Variants in LIMD1 observed in about 807,000 individuals in gnomAD.
LIMD1 encodes LIM domain-containing protein 1.
LIMD1 carries 23 observed loss-of-function variants against 58.4 expected under a neutral mutation model. The observed-to-expected ratio is 0.39, with a 90% CI of 0.28 to 0.56. The LOEUF (loss-of-function observed/expected upper bound fraction) is 0.56. Ranked by LOEUF, LIMD1 falls within the 20% of genes least tolerant of loss-of-function variation. The probability of loss-of-function intolerance (pLI) is 0.57; values close to 1 mark genes in which losing one functional copy is unlikely to be tolerated. For missense variants in LIMD1, 838 were observed against 855.5 expected, an observed-to-expected ratio of 0.98 and a Z score of 0.25; for synonymous variants, 334 against 345.5, an observed-to-expected ratio of 0.97 and a Z score of 0.37.
intron 1 of LIMD1, among the ~76,000 whole-genome samples, chr3:45,598,787 C>T (rs1390897811): frequency 6.6e-6 from 1 of 152,156 alleles, no homozygotes; most frequent in East Asian, 1.9e-4. Flanking sequence ...AGGCAGGAGA[C>T]TGGACCATGT....
chr3:45,650,647 T>G (rs1330861905), intron 2 of LIMD1, among the ~76,000 whole-genome samples: 1 of 152,046 alleles, frequency 6.6e-6, no homozygotes, highest in Non-Finnish European at 1.5e-5. Context: ...TTCATCCATG[T>G]CCCCAAAAAG....
chr3:45,665,027 C>T (rs1382915502), intron 2 of LIMD1, among the ~76,000 whole-genome samples: 1 of 152,004 alleles, frequency 6.6e-6, no homozygotes, highest in Non-Finnish European at 1.5e-5. Flanking sequence ...AGGATGTTTA[C>T]CTGTGTTAGC....
intron 1 of LIMD1, among the ~76,000 whole-genome samples, chr3:45,619,555 T>G (rs552463327): frequency 9.2e-5 from 14 of 152,288 alleles, no homozygotes; most frequent in Non-Finnish European, 1.8e-4. Context: ...TCCCAGCACT[T>G]TGGGAGGCCA....
intron 1 of LIMD1, among the ~76,000 whole-genome samples, chr3:45,620,887 T>G (rs1701623147): frequency 6.6e-6 from 1 of 152,136 alleles, no homozygotes; most frequent in South Asian, 2.1e-4. Flanking sequence ...CTTAACTAAG[T>G]GATCAAGTTA....
chr3:45,653,018 G>A (rs1300060843), intron 2 of LIMD1, among the ~76,000 whole-genome samples: 2 of 152,252 alleles, frequency 1.3e-5, no homozygotes, highest in Non-Finnish European at 2.9e-5. Flanking sequence ...AGATGAGAAC[G>A]TTTAGAGACC....
chr3:45,661,480 A>G (rs1347070319), intron 2 of LIMD1, among the ~76,000 whole-genome samples: 1 of 152,222 alleles, frequency 6.6e-6, no homozygotes, highest in Non-Finnish European at 1.5e-5. Flanking sequence ...TAGGAATTGG[A>G]CATTTGATGC....
intron 2 of LIMD1, among the ~76,000 whole-genome samples, chr3:45,649,848 G>GTTTTTTTTTTTTTTTTTTATTTTTTTTTT (rs367547670): frequency 1.0e-5 from 1 of 97,340 alleles, no homozygotes; most frequent in East Asian, 2.7e-4. Context: ...AAGTTTTTTT[G>GTTTTTTTTTTTTTTTTTTATTTTTTTTTT]TTTTTTTTTT....
chr3:45,673,580 C>T lies in LIMD1; in HGVS notation c.1824+75C>T, dbSNP rs1248332878. On this transcript the variant is annotated intron_variant, in intron 6 of 7. Coordinates refer to ENST00000273317, the MANE Select transcript of LIMD1 (RefSeq NM_014240.3). ...TCTCCCTGGGCTCATTTACAAGATC[C>T]ATGTCCTGTCCTTACAGCTTTTAAG... 7.6e-6 allele frequency: 9 copies of T among 1,189,068 alleles called. No homozygotes were observed. The Admixed American group carries it at 1.3e-4, about 18-fold the overall frequency. The allele number at this position is 1,189,068 out of a possible 1,614,324, so 73.7% of individuals were successfully genotyped here.
Position 45,612,234 on chromosome 3 carries a change from A to G in LIMD1, c.1408+15947A>G, listed in dbSNP as rs1441380696. The stretch of plus-strand genomic sequence containing the variant: ...CGAATAACTGGAAACACAGGTATGC[A>G]CAACCATGCCTGGCTAATTTGTTAA... On this transcript the variant is annotated intron_variant, in intron 1 of 7. Coordinates refer to ENST00000273317, the MANE Select transcript of LIMD1 (RefSeq NM_014240.3). 4.6e-5 allele frequency among the ~76,000 whole-genome samples: 7 copies of G among 152,100 alleles called. No homozygotes were observed. In the East Asian group the frequency reaches 5.8e-4, roughly 13 times the overall value.
At chr3:45,633,526 G>A (rs949628379) in intron 1 of LIMD1, among the ~76,000 whole-genome samples, 4 of 152,224 alleles carry the variant, frequency 2.6e-5, no homozygotes, top group African/African-American at 9.6e-5. Context: ...GGGATGGATT[G>A]TTGGATTGAT....
chr3:45,630,746 C>T (rs1701720477), intron 1 of LIMD1, among the ~76,000 whole-genome samples: 1 of 152,110 alleles, frequency 6.6e-6, no homozygotes, highest in Admixed American at 6.5e-5. Flanking sequence ...GCAGGAATAG[C>T]CACAGCTGCC....
In LIMD1 at chr3:45,663,082, C is replaced by T. The variant is rs1697465517; in HGVS notation, c.1511-2568C>T. On this transcript the variant is annotated intron_variant, in intron 2 of 7. Coordinates refer to ENST00000273317, the MANE Select transcript of LIMD1 (RefSeq NM_014240.3). ...ATTGGTATATCTTCAGGCATTTTGC[C>T]TTATTTGCACTGGTGTTCAGTTCAA... Among the ~76,000 whole-genome samples, 4 of 152,084 alleles carry T rather than the reference C, an allele frequency of 2.6e-5. No individual in the cohort carries two copies. In the South Asian group the frequency reaches 6.2e-4, roughly 24 times the overall value.
Position 45,673,465 on chromosome 3 carries a change from C to G in LIMD1, c.1784C>G (p.Pro595Arg). The G allele has an allele frequency of 6.2e-7, 1 of 1,613,994 alleles. No homozygotes were observed. The highest frequency in any genetic ancestry group is 1.1e-5 in the South Asian group (1 of 91,082). Reference sequence around the variant, plus strand: ...GTTTCTCCCCACAGGGTGCTGGCCCCCAAGTGTGCAGCCTGTGGGCTTCCC... The same window carrying G: ...GTTTCTCCCCACAGGGTGCTGGCCCGCAAGTGTGCAGCCTGTGGGCTTCCC... Reference protein sequence around the residue: ...CVRDYHKVLAPKCAACGLPIL... With the variant: ...CVRDYHKVLARKCAACGLPIL... The change falls in exon 6 of 8, where the codon CCC becomes CGC. Residue 595 changes from proline (P) to arginine (R), a missense_variant. By Grantham distance (103) the Pro-to-Arg change is moderately radical. Around this residue, in one of 3 missense-constraint regions of LIMD1, gnomAD observed 174 missense variants for 197.4 expected, o/e 0.88. Coordinates refer to ENST00000273317, the MANE Select transcript of LIMD1 (RefSeq NM_014240.3).
intron 1 of LIMD1, among the ~76,000 whole-genome samples, chr3:45,599,958 C>T (rs1249450836): frequency 1.3e-5 from 2 of 152,148 alleles, no homozygotes; most frequent in African/African-American, 4.8e-5. Flanking sequence ...ATTGCCTGGC[C>T]CTGTGTGGGG....
intron 2 of LIMD1, among the ~76,000 whole-genome samples, chr3:45,649,774 T>C (rs1016315257): frequency 6.9e-5 from 10 of 145,786 alleles, no homozygotes; most frequent in Admixed American, 3.5e-4. Context: ...TATATAATTA[T>C]ATATATAAAA....
chr3:45,646,791 A>C (rs1441961778), intron 2 of LIMD1, among the ~76,000 whole-genome samples: 1 of 150,406 alleles, frequency 6.6e-6, no homozygotes, highest in South Asian at 2.1e-4. Context: ...GGCTAAAGTG[A>C]TCCTCCCACC....
Position 45,594,939 on chromosome 3 carries a change from G to A in LIMD1, c.60G>A (p.Met20Ile), listed in dbSNP as rs1175776186. The A allele has an allele frequency of 1.2e-6, 2 of 1,613,670 alleles. No homozygotes were observed. The highest frequency in any genetic ancestry group is 1.1e-5 in the South Asian group (1 of 91,052). Residue 20 changes from methionine (M) to isoleucine (I), a missense_variant, in exon 1 of 8, where the codon ATG becomes ATA. By Grantham distance (10) the Met-to-Ile change is conservative. Transcript: ENST00000273317. Reference sequence around the variant, plus strand: ...GTAAATTCATCGAGGACCTGAACATGTATGAGGCCTCTAAGGATGGGCTCT... The same window carrying A: ...GTAAATTCATCGAGGACCTGAACATATATGAGGCCTCTAAGGATGGGCTCT... ...EASKFIEDLNMYEASKDGLFR... is the reference protein window; with the variant it reads ...EASKFIEDLNIYEASKDGLFR...
At chr3:45,632,273 C>T (rs1701741592) in intron 1 of LIMD1, among the ~76,000 whole-genome samples, 1 of 152,184 alleles carries the variant, frequency 6.6e-6, no homozygotes, top group East Asian at 1.9e-4. Context: ...TCGGCATTAC[C>T]AAACAATAAC....
chr3:45,601,610 T>G (rs1310882323), intron 1 of LIMD1, among the ~76,000 whole-genome samples: 1 of 152,228 alleles, frequency 6.6e-6, no homozygotes, highest in Non-Finnish European at 1.5e-5. Context: ...TGCCGGGCAC[T>G]GGAGTTCAGT....
Sources: allele counts gnomAD v4.1 joint callset (sites outside exome capture counted in the v4.1 genomes callset), GRCh38; gene constraint gnomAD v4.1.1; regional missense constraint gnomAD v4.1.1; transcripts MANE v1.5; gene names NCBI Gene and HGNC (gene_info 2026-07-23, HGNC 2026-07-21).